Variants in DDX4 observed in about 807,000 individuals in gnomAD.
DDX4 encodes probable ATP-dependent RNA helicase DDX4.
A neutral mutation model predicts 100.0 loss-of-function variants in DDX4; 25 were observed. The observed-to-expected ratio is 0.25, with a 90% confidence interval of 0.18 to 0.35. DDX4 has a LOEUF of 0.35. DDX4 is among the 10% of genes least tolerant of loss of function. DDX4 has a pLI of 1.00. For synonymous variants in DDX4, 259 were observed against 275.7 expected (o/e 0.94, Z 0.60); for missense variants, 635 against 882.4 (o/e 0.72, Z 3.55).
At position 55,786,571 on chromosome 5, in the gene DDX4, T is replaced by G; in HGVS notation, c.918T>G (p.Ala306=). The change falls in exon 14 of 22, where the codon GCT becomes GCG. Residue 306 remains alanine, a synonymous_variant. Coordinates refer to ENST00000505374, the MANE Select transcript of DDX4 (RefSeq NM_024415.3). ...CQTLNNNIAK[A]GYTKLTPVQK... is the part of the protein sequence containing the mutation. ...CACTGAATAACAACATTGCTAAAGC[T>G]GGTTATACTAAGCTTACTCCTGTGC... 6.2e-7 allele frequency: 1 copy of G among 1,613,236 alleles called. No individual in the cohort carries two copies. Among genetic ancestry groups the G allele is most frequent in the Non-Finnish European group, 8.5e-7 (1 of 1,179,224 alleles).
intron 10 of DDX4, 99 bp from the exon 11 acceptor site, chr5:55,785,198 G>A: frequency 2.5e-6 from 2 of 793,256 alleles, no homozygotes; most frequent in Non-Finnish European, 4.3e-6. Flanking sequence ...GGAATTTAAA[G>A]TTTTTTGGAA....
intron 3 of DDX4, among the ~76,000 whole-genome samples, chr5:55,757,993 G>T (rs749499354): frequency 6.6e-6 from 1 of 152,108 alleles, no homozygotes; most frequent in Non-Finnish European, 1.5e-5. Context: ...CGCAGTGAGC[G>T]GAAATTGTGC....
In DDX4 at chr5:55,814,968, G is replaced by C; in HGVS notation, c.1783G>C (p.Val595Leu). ...DFRFGKCPVL[V>L]ATSVAARGLD... is the part of the protein sequence containing the mutation. ...TCGCTTTGGAAAGTGCCCAGTTCTT[G>C]TTGCTACTTCAGTAGCTGCCAGAGG... is the stretch of plus-strand genomic sequence containing the variant. The change falls in exon 20 of 22, where the codon GTT becomes CTT. Residue 595 changes from valine (V) to leucine (L), a missense_variant. Val to Leu is a conservative substitution (Grantham distance 32, BLOSUM62 1). This residue lies in a region of DDX4 where 115 missense variants were observed against 224.7 expected (regional missense o/e 0.51). Transcript: ENST00000505374. 6.2e-7 allele frequency: 1 copy of C among 1,614,160 alleles called. No individual in the cohort carries two copies. The highest frequency in any genetic ancestry group is 8.5e-7 in the Non-Finnish European group (1 of 1,180,018).
chr5:55,778,710 A>G (rs563526231), intron 7 of DDX4, among the ~76,000 whole-genome samples: 2 of 152,324 alleles, frequency 1.3e-5, no homozygotes, highest in East Asian at 3.9e-4. Flanking sequence ...CCTGGCCAAC[A>G]TGGTGAAACC....
At chr5:55,766,445 T>G (rs1021334441) in intron 6 of DDX4, among the ~76,000 whole-genome samples, 8 of 151,892 alleles carry the variant, frequency 5.3e-5, no homozygotes, top group Admixed American at 3.3e-4. Context: ...TTTGTTTTTT[T>G]TTTTTTTTTC....
chr5:55,771,421 C>A (rs1301460768), intron 7 of DDX4, among the ~76,000 whole-genome samples: 1 of 152,094 alleles, frequency 6.6e-6, no homozygotes, highest in Non-Finnish European at 1.5e-5. Flanking sequence ...TGTTTACCTT[C>A]TTAGTGTGTT....
At chr5:55,796,819 C>CTTCCT (rs1742975921) in intron 17 of DDX4, among the ~76,000 whole-genome samples, 2 of 63,454 alleles carry the variant, frequency 3.2e-5, no homozygotes, top group Non-Finnish European at 7.3e-5. Context: ...TTTTTTCTTT[C>CTTCCT]TTTCTTTTTT....
Position 55,814,100 on chromosome 5 carries a change from A to T in DDX4, c.1715+328A>T, listed in dbSNP as rs1008849802. Among the ~76,000 whole-genome samples the T allele has an allele frequency of 2.0e-5, 3 of 152,194 alleles. 1 individual carries two copies. The East Asian group carries it at 5.8e-4, about 29-fold the overall frequency. Reference sequence around the variant, plus strand: ...CCCCTTATCAAATTTTCCTTTGCTAAATCTAATCTTTCTTAGAGCTTTTTA... The same window carrying T: ...CCCCTTATCAAATTTTCCTTTGCTATATCTAATCTTTCTTAGAGCTTTTTA... On this transcript the variant is annotated intron_variant, in intron 19 of 21. Transcript: ENST00000505374.
At chr5:55,766,469 A>G (rs1740933244) in intron 6 of DDX4, among the ~76,000 whole-genome samples, 1 of 150,686 alleles carries the variant, frequency 6.6e-6, no homozygotes, top group South Asian at 2.1e-4. Context: ...AAAGCAGTAA[A>G]TATTAGTTAT....
At chr5:55,784,912 A>G (rs907122140) in intron 10 of DDX4, among the ~76,000 whole-genome samples, 3 of 151,944 alleles carry the variant, frequency 2.0e-5, no homozygotes, top group African/African-American at 7.3e-5. Context: ...AGTACTCCCT[A>G]TTTTTTCACT....
intron 3 of DDX4, among the ~76,000 whole-genome samples, chr5:55,749,255 C>T (rs188664120): frequency 6.6e-6 from 1 of 152,166 alleles, no homozygotes; most frequent in Non-Finnish European, 1.5e-5. Context: ...CAAAGTGAGA[C>T]ACTGTCTGTA....
intron 15 of DDX4, among the ~76,000 whole-genome samples, chr5:55,789,052 T>C (rs973759029): frequency 3.3e-5 from 5 of 152,178 alleles, no homozygotes; most frequent in Admixed American, 3.3e-4. Flanking sequence ...CAGTGAGACC[T>C]TGACTTATAT....
At chr5:55,790,825 A>G in intron 16 of DDX4, 120 bp downstream of exon 16, 1 of 838,622 alleles carries the variant, frequency 1.2e-6, no homozygotes, top group South Asian at 1.6e-5. Context: ...GTTAGCCTCC[A>G]TCACATTCTT....
chr5:55,797,061 C>T (rs1743010142), intron 17 of DDX4, among the ~76,000 whole-genome samples: 1 of 151,894 alleles, frequency 6.6e-6, no homozygotes, highest in Non-Finnish European at 1.5e-5. Flanking sequence ...CCAGAATGGT[C>T]TCAAACTCCT....
chr5:55,750,873 T>A (rs1759512053), intron 3 of DDX4, among the ~76,000 whole-genome samples: 1 of 152,240 alleles, frequency 6.6e-6, no homozygotes, highest in Non-Finnish European at 1.5e-5. Context: ...GTGTGGTATT[T>A]CATATACTTT....
intron 18 of DDX4, among the ~76,000 whole-genome samples, chr5:55,808,521 G>C (rs1006119644): frequency 6.6e-6 from 1 of 152,184 alleles, no homozygotes; most frequent in Non-Finnish European, 1.5e-5. Context: ...ATGTTTGTTA[G>C]TTTTCCTTCT....
rs768314811 is a variant in DDX4, at chr5:55,738,941, T to A, written c.-14-9T>A. On this transcript the variant is annotated splice_polypyrimidine_tract_variant and intron_variant, in intron 1 of 21. Transcript: ENST00000505374. ...GTCCAAATGTGCATTTTTTTTTTTT[T>A]ATGAATAGAACTTGAAGCCACCATG... 13 of 1,487,692 alleles carry A rather than the reference T, an allele frequency of 8.7e-6. No homozygotes were observed. Among genetic ancestry groups the A allele is most frequent in the Non-Finnish European group, 1.2e-5 (13 of 1,069,818 alleles). 92.2% of individuals were successfully genotyped at this position (1,487,692 alleles called of 1,614,324 possible).
Position 55,785,444 on chromosome 5 carries a change from A to G in DDX4, c.674-3A>G, listed in dbSNP as rs773268378. On this transcript the variant is annotated splice_region_variant and splice_polypyrimidine_tract_variant and intron_variant, in intron 11 of 21. Coordinates refer to ENST00000505374, the MANE Select transcript of DDX4 (RefSeq NM_024415.3). ...ATCTCTTTTTTATTTGATCCTCTTC[A>G]AGATTCTTGGAAGTCAGAAGCAGAA... is the stretch of plus-strand genomic sequence containing the variant. 1.2e-6 allele frequency: 2 copies of G among 1,608,272 alleles called. No homozygotes were observed. Among genetic ancestry groups the G allele is most frequent in the Non-Finnish European group, 1.7e-6 (2 of 1,176,512 alleles).
intron 3 of DDX4, among the ~76,000 whole-genome samples, chr5:55,756,927 C>T (rs986826620): frequency 3.3e-5 from 5 of 151,376 alleles, no homozygotes; most frequent in African/African-American, 1.2e-4. Context: ...TCAATGACAG[C>T]ATATCATTAC....
Sources: gnomAD v4.1 joint callset for allele counts (sites outside exome capture counted in the v4.1 genomes callset) on GRCh38, gnomAD v4.1.1 for gene constraint, gnomAD v4.1.1 regional missense constraint, MANE v1.5 for transcripts, NCBI Gene and HGNC (gene_info 2026-07-23, HGNC 2026-07-21) for gene names.